Variants in ADGRL3 observed in about 807,000 individuals in gnomAD.
ADGRL3 encodes adhesion G protein-coupled receptor L3, also known as calcium-independent alpha-latrotoxin receptor 3.
ADGRL3 carries 62 observed loss-of-function variants against 153.5 expected under a neutral mutation model. The ratio of observed to expected loss-of-function variants is 0.40; its 90% CI spans 0.33 to 0.50. The LOEUF (loss-of-function observed/expected upper bound fraction) is 0.50. ADGRL3 is among the 20% of genes least tolerant of loss of function. The probability of loss-of-function intolerance (pLI) is 0.47; values close to 1 mark genes in which losing one functional copy is unlikely to be tolerated. For synonymous variants in ADGRL3, 710 were observed against 672.5 expected (o/e 1.06, Z -0.86); for missense variants, 1,641 against 1,859.4 (o/e 0.88, Z 2.16).
At chr4:61,596,771 T>C (rs1195447484) in intron 5 of ADGRL3, among the ~76,000 whole-genome samples, 1 of 152,188 alleles carries the variant, frequency 6.6e-6, no homozygotes, top group East Asian at 1.9e-4. Flanking sequence ...AGTGGGAGGA[T>C]TGCTTGAGTC....
intron 8 of ADGRL3, among the ~76,000 whole-genome samples, chr4:61,795,882 G>T (rs746179827): frequency 2.0e-5 from 3 of 151,908 alleles, no homozygotes; most frequent in African/African-American, 2.4e-5. Context: ...TAGCTCTGTC[G>T]CCCAGGTTGG....
At chr4:61,789,277 C>G (rs1415731589) in intron 8 of ADGRL3, among the ~76,000 whole-genome samples, 4 of 149,096 alleles carry the variant, frequency 2.7e-5, no homozygotes, top group East Asian at 1.9e-4. Flanking sequence ...CTCTCTGTCT[C>G]TGTGTGTGTG....
intron 9 of ADGRL3, among the ~76,000 whole-genome samples, chr4:61,833,779 G>C (rs970542982): frequency 3.3e-5 from 5 of 152,120 alleles, no homozygotes; most frequent in Non-Finnish European, 1.5e-5. Context: ...CAAGAAGGGG[G>C]TTTGTCTTGG....
rs1460835807 is a variant in ADGRL3 at position 62,076,872 on chromosome 4, C to G, written c.*5964C>G. ...TACCTTTTAAAGCTCTATTATGAAT[C>G]TTTCTAATACATATGAAATTAATAT... On this transcript the variant is annotated 3_prime_UTR_variant, in exon 27 of 27. Transcript: ENST00000683033. The G allele has an allele frequency of 6.6e-6, 1 of 151,464 alleles. No individual in the cohort carries two copies. Among genetic ancestry groups the G allele is most frequent in the African/African-American group, 2.4e-5 (1 of 41,258 alleles). 9.4% of individuals were successfully genotyped at this position (151,464 alleles called of 1,614,324 possible).
intron 9 of ADGRL3, among the ~76,000 whole-genome samples, chr4:61,839,764 T>C (rs1214409856): frequency 6.6e-6 from 1 of 151,432 alleles, no homozygotes; most frequent in Non-Finnish European, 1.5e-5. Context: ...TGAGACCCTG[T>C]CTCTGCCCAC....
chr4:61,339,036 A>G (rs1420085942), intron 1 of ADGRL3, among the ~76,000 whole-genome samples: 7 of 152,064 alleles, frequency 4.6e-5, no homozygotes, highest in Non-Finnish European at 7.4e-5. Context: ...TGTGGGGAAG[A>G]TTTATACAAT....
At chr4:61,434,994 G>A (rs563815204) in intron 2 of ADGRL3, among the ~76,000 whole-genome samples, 53 of 152,144 alleles carry the variant, frequency 3.5e-4, no homozygotes, top group Non-Finnish European at 6.5e-4. Context: ...TCTATGAGAA[G>A]TTTTCAGACA....
chr4:61,971,405 G>A (rs1277202707), intron 17 of ADGRL3, among the ~76,000 whole-genome samples: 3 of 152,214 alleles, frequency 2.0e-5, no homozygotes, highest in African/African-American at 4.8e-5. Flanking sequence ...AGAACATGTG[G>A]TGTTTGGTTT....
At chr4:61,696,560 C>G (rs1309572199) in intron 6 of ADGRL3, among the ~76,000 whole-genome samples, 2 of 150,990 alleles carry the variant, frequency 1.3e-5, no homozygotes, top group African/African-American at 4.9e-5. Flanking sequence ...TTTCAAAATT[C>G]TACCTACCAC....
chr4:61,633,998 C>A (rs1269373763), intron 5 of ADGRL3, among the ~76,000 whole-genome samples: 1 of 151,906 alleles, frequency 6.6e-6, no homozygotes, highest in African/African-American at 2.4e-5. Flanking sequence ...AACTCTAATA[C>A]CAATTTTTCT....
chr4:61,391,705 A>G (rs887556330), intron 2 of ADGRL3, among the ~76,000 whole-genome samples: 4 of 151,406 alleles, frequency 2.6e-5, no homozygotes, highest in African/African-American at 9.7e-5. Context: ...TTATGGTGCC[A>G]TTTTTATTAA....
At chr4:61,371,244 G>T (rs376331303) in intron 1 of ADGRL3, among the ~76,000 whole-genome samples, 1,985 of 150,880 alleles carry the variant, frequency 0.013, 38 homozygotes, top group African/African-American at 0.044. Flanking sequence ...AAAGTTAATA[G>T]TGTTATGTGT....
intron 5 of ADGRL3, among the ~76,000 whole-genome samples, chr4:61,645,212 A>G (rs181893863): frequency 0.01 from 1,582 of 152,298 alleles, 51 homozygotes; most frequent in East Asian, 0.064. Flanking sequence ...TGAATACAGC[A>G]CACTGATGGG....
chr4:61,759,971 G>A (rs2096889956), intron 8 of ADGRL3, among the ~76,000 whole-genome samples: 2 of 152,342 alleles, frequency 1.3e-5, no homozygotes, highest in South Asian at 2.1e-4. Context: ...CAGCAGCGGA[G>A]GCTGCAGAAC....
chr4:61,270,756 C>T (rs938637709), intron 1 of ADGRL3, among the ~76,000 whole-genome samples: 1 of 151,676 alleles, frequency 6.6e-6, no homozygotes, highest in South Asian at 2.1e-4. Flanking sequence ...GAGTCTACTG[C>T]TTGCCATGCC....
intron 18 of ADGRL3, among the ~76,000 whole-genome samples, chr4:61,983,009 A>AACTCTG (rs1349666334): frequency 1.3e-5 from 2 of 152,120 alleles, no homozygotes; most frequent in Non-Finnish European, 2.9e-5. Flanking sequence ...TTCTAACTCT[A>AACTCTG]ACTCTGACTC....
intron 8 of ADGRL3, among the ~76,000 whole-genome samples, chr4:61,745,042 C>G (rs565989851): frequency 6.6e-6 from 1 of 152,242 alleles, no homozygotes; most frequent in African/African-American, 2.4e-5. Flanking sequence ...AGCTGAGAAC[C>G]AAGACTCGAG....
chr4:61,704,064 GCTTCA>G (rs2095814591), intron 6 of ADGRL3, among the ~76,000 whole-genome samples: 1 of 152,100 alleles, frequency 6.6e-6, no homozygotes, highest in Non-Finnish European at 1.5e-5. Flanking sequence ...AATTAACAGT[GCTTCA>G]CAGGGCAACT....
At chr4:61,506,421 C>G (rs2098429100) in intron 3 of ADGRL3, among the ~76,000 whole-genome samples, 1 of 152,104 alleles carries the variant, frequency 6.6e-6, no homozygotes, top group African/African-American at 2.4e-5. Flanking sequence ...GTGACAGTTT[C>G]TCTAATTATG....
Sources: allele counts gnomAD v4.1 joint callset (sites outside exome capture counted in the v4.1 genomes callset), GRCh38; gene constraint gnomAD v4.1.1; transcripts MANE v1.5; gene names NCBI Gene and HGNC (gene_info 2026-07-23, HGNC 2026-07-21).